CMIP: variants seen among roughly 807,000 people sequenced by gnomAD.
CMIP encodes the protein C-Maf-inducing protein.
In CMIP, 13 loss-of-function variants were observed where a neutral mutation model predicts 97.3. The observed-to-expected ratio is 0.13, with a 90% confidence interval of 0.09 to 0.21. CMIP has a LOEUF of 0.21. Ranked by LOEUF, CMIP falls within the 10% of genes least tolerant of loss-of-function variation. The pLI, the probability that CMIP is intolerant of heterozygous loss-of-function variation, is 1.00. For synonymous variants in CMIP, 538 were observed against 436.3 expected, an observed-to-expected ratio of 1.23 and a Z score of -2.91; for missense variants, 847 against 1,024.9, an observed-to-expected ratio of 0.83 and a Z score of 2.37.
intron 3 of CMIP, chr16:81,651,355 C>G: frequency 2.2e-6 from 2 of 909,724 alleles, no homozygotes; most frequent in Non-Finnish European, 2.6e-6. Flanking sequence ...GGAACTAACT[C>G]TGCCTCAAAT....
chr16:81,705,482 GT>G lies in CMIP; in HGVS notation c.2092-14del, dbSNP rs1567677183. Reference sequence around the variant, plus strand: ...AGGAGTGGCCGGGAGAGGGCTGAGAGTTTCTGTGCTCTACAGTTTGGAGACG... The same window carrying G: ...AGGAGTGGCCGGGAGAGGGCTGAGAGTTCTGTGCTCTACAGTTTGGAGACG... On this transcript the variant is annotated splice_polypyrimidine_tract_variant and intron_variant, in intron 18 of 20. Coordinates refer to ENST00000537098, the MANE Select transcript of CMIP (RefSeq NM_198390.3). 6.4e-7 allele frequency: 1 copy of G among 1,569,592 alleles called. No homozygotes were observed.
rs71146021 is a variant in CMIP at position 81,569,945 on chromosome 16, TTTCATTCA to T, written c.301-37597_301-37590del. Among the ~76,000 whole-genome samples, 867 of 150,892 alleles carry T rather than the reference TTTCATTCA, an allele frequency of 5.7e-3. 5 individuals are homozygous for T. Among genetic ancestry groups the T allele is most frequent in the African/African-American group, 0.012 (496 of 41,146 alleles). ...AGCGTTCGTTATGAGTGCACTTAAC[TTTCATTCA>T]TTCATTCATTCATTCATTCATTCAG... On this transcript the variant is annotated intron_variant, in intron 1 of 20. Coordinates refer to ENST00000537098, the MANE Select transcript of CMIP (RefSeq NM_198390.3).
rs530112424 is a variant in CMIP, at chr16:81,660,836, C to T, written c.682-48C>T. Reference sequence around the variant, plus strand: ...GCCTGGAGATTGTTCGAAGTCTTTCCGTGGCTATCTACCCCACGGTTCCTG... The same window carrying T: ...GCCTGGAGATTGTTCGAAGTCTTTCTGTGGCTATCTACCCCACGGTTCCTG... On this transcript the variant is annotated intron_variant, in intron 5 of 20. Coordinates refer to ENST00000537098, the MANE Select transcript of CMIP (RefSeq NM_198390.3). 26 of 1,609,136 alleles carry T rather than the reference C, an allele frequency of 1.6e-5. 1 individual carries two copies. In the South Asian group the frequency reaches 2.1e-4, roughly 13 times the overall value.
chr16:81,541,685 C>A (rs2090452021), intron 1 of CMIP, among the ~76,000 whole-genome samples: 1 of 151,946 alleles, frequency 6.6e-6, no homozygotes, highest in Non-Finnish European at 1.5e-5. Flanking sequence ...GTGGAGTGTC[C>A]CTACAAAACA....
chr16:81,548,873 C>A (rs1306518588), intron 1 of CMIP, among the ~76,000 whole-genome samples: 8 of 152,130 alleles, frequency 5.3e-5, no homozygotes. Context: ...AAAAAGGAAG[C>A]TGTGTCTGGA....
chr16:81,532,944 C>T (rs926018963), intron 1 of CMIP, among the ~76,000 whole-genome samples: 3 of 152,118 alleles, frequency 2.0e-5, no homozygotes, highest in Admixed American at 6.5e-5. Context: ...TGCTGTGCCT[C>T]GAGGCCTTTG....
chr16:81,510,758 C>A (rs992091668), intron 1 of CMIP, among the ~76,000 whole-genome samples: 1 of 152,000 alleles, frequency 6.6e-6, no homozygotes, highest in African/African-American at 2.4e-5. Context: ...CTTGTTCTGT[C>A]GCCCAGGCTG....
chr16:81,448,471 GGT>G (rs1253688817), intron 1 of CMIP, among the ~76,000 whole-genome samples: 12 of 152,242 alleles, frequency 7.9e-5, no homozygotes, highest in Non-Finnish European at 2.9e-5. Context: ...ACACCGGCTA[GGT>G]ACACCTTTTA....
intron 1 of CMIP, among the ~76,000 whole-genome samples, chr16:81,607,264 G>A (rs372277304): frequency 6.6e-6 from 1 of 152,218 alleles, no homozygotes; most frequent in East Asian, 1.9e-4. Context: ...CACTCCCTGC[G>A]CTGGCCCCGC....
intron 1 of CMIP, chr16:81,475,990 A>C (rs1907887561): frequency 2.0e-6 from 1 of 492,748 alleles, no homozygotes; most frequent in South Asian, 1.9e-5. Flanking sequence ...CCTTCTCAAA[A>C]AAAAAAAAAA....
Position 81,592,344 on chromosome 16 carries a change from A to ACCAGGGT in CMIP, c.301-15221_301-15215dup, listed in dbSNP as rs1290298570. ...CTCCTCTGACAACTTCTCATTCCAG[A>ACCAGGGT]CCAGGGTCGCACAAACTCTGGCTCC... is the stretch of plus-strand genomic sequence containing the variant. On this transcript the variant is annotated intron_variant, in intron 1 of 20. Transcript: ENST00000537098. Among the ~76,000 whole-genome samples, 5 of 152,214 alleles carry ACCAGGGT rather than the reference A, an allele frequency of 3.3e-5. No individual in the cohort carries two copies. The East Asian group carries it at 9.7e-4, about 29-fold the overall frequency.
chr16:81,567,523 G>T (rs911247949), intron 1 of CMIP, among the ~76,000 whole-genome samples: 2 of 152,228 alleles, frequency 1.3e-5, no homozygotes, highest in Admixed American at 6.5e-5. Flanking sequence ...CTTTGGGTAA[G>T]GGATGCCACG....
At chr16:81,534,797 G>A (rs990247902) in intron 1 of CMIP, among the ~76,000 whole-genome samples, 2 of 152,150 alleles carry the variant, frequency 1.3e-5, no homozygotes, top group Non-Finnish European at 2.9e-5. Flanking sequence ...TCACTCAATA[G>A]TGTGCCCTTT....
At chr16:81,569,253 A>T (rs1395884612) in intron 1 of CMIP, among the ~76,000 whole-genome samples, 1 of 152,178 alleles carries the variant, frequency 6.6e-6, no homozygotes, top group Non-Finnish European at 1.5e-5. Context: ...TGCATTCTAT[A>T]CATACTGTCT....
At chr16:81,459,388 T>TGCTCCGTGACCTC (rs1375097964) in intron 1 of CMIP, among the ~76,000 whole-genome samples, 7 of 152,076 alleles carry the variant, frequency 4.6e-5, no homozygotes, top group Non-Finnish European at 1.0e-4. Flanking sequence ...GCCGTGACCC[T>TGCTCCGTGACCTC]GCTCCGTGAC....
chr16:81,521,347 T>C (rs1050423314), intron 1 of CMIP, among the ~76,000 whole-genome samples: 1 of 147,498 alleles, frequency 6.8e-6, no homozygotes, highest in African/African-American at 2.5e-5. Context: ...ACAGCAGAGG[T>C]TTTAGTTATC....
At chr16:81,607,502 G>C in intron 1 of CMIP, 65 bp from the exon 2 acceptor site, 2 of 1,586,934 alleles carry the variant, frequency 1.3e-6, no homozygotes, top group South Asian at 1.1e-5. Context: ...AACCGTCTGA[G>C]ATGCGGACGT....
At chr16:81,519,184 A>C (rs1218363761) in intron 1 of CMIP, 1 of 152,202 alleles carries the variant, frequency 6.6e-6, no homozygotes, top group African/African-American at 2.4e-5. Flanking sequence ...CTGTAGTTGC[A>C]GCTACTCAGG....
chr16:81,710,692 T>TG lies in CMIP; in HGVS notation c.*897dup, dbSNP rs1474306624. 2 of 151,998 alleles carry TG rather than the reference T, an allele frequency of 1.3e-5. No individual in the cohort carries two copies. The highest frequency in any genetic ancestry group is 2.9e-5 in the Non-Finnish European group (2 of 68,010). 9.4% of individuals were successfully genotyped at this position (151,998 alleles called of 1,614,324 possible). A position where few individuals can be genotyped will look rare whatever the true frequency, so the allele number is the denominator to read the frequency against. On this transcript the variant is annotated 3_prime_UTR_variant, in exon 21 of 21. Transcript: ENST00000537098. ...AAATGTCTCCAACTCCCTCACGAGG[T>TG]GGGGCTCAGGCTGGAGGAGGAGGGA... is the stretch of plus-strand genomic sequence containing the variant.
Sources: gnomAD v4.1 joint callset for allele counts (sites outside exome capture counted in the v4.1 genomes callset) on GRCh38, gnomAD v4.1.1 for gene constraint, MANE v1.5 for transcripts, NCBI Gene and HGNC (gene_info 2026-07-23, HGNC 2026-07-21) for gene names.